Variants in PTPN5 observed in about 807,000 individuals in gnomAD.
The protein encoded by PTPN5 is protein tyrosine phosphatase non-receptor type 5, also known as tyrosine-protein phosphatase non-receptor type 5.
PTPN5 carries 29 observed loss-of-function variants against 73.9 expected under a neutral mutation model. That is an observed-to-expected ratio of 0.39 (90% CI 0.29 to 0.54). PTPN5 has a LOEUF of 0.54. PTPN5 is among the 20% of genes least tolerant of loss of function. The probability of loss-of-function intolerance (pLI) is 0.65; values close to 1 mark genes in which losing one functional copy is unlikely to be tolerated. For missense variants in PTPN5, 652 were observed against 751.4 expected (o/e 0.87, Z 1.55); for synonymous variants, 267 against 304.7 (o/e 0.88, Z 1.29).
chr11:18,749,494 G>GGGGGGGGGGGGGGGGGGC (rs756336602), intron 3 of PTPN5: 35 of 511,710 alleles, frequency 6.8e-5, no homozygotes, highest in East Asian at 2.8e-4. Context: ...AGGGTGGGGG[G>GGGGGGGGGGGGGGGGGGC]CAGAACCTTG....
intron 8 of PTPN5, among the ~76,000 whole-genome samples, chr11:18,738,411 CAGA>C (rs914405002): frequency 6.6e-6 from 1 of 152,184 alleles, no homozygotes; most frequent in African/African-American, 2.4e-5. Flanking sequence ...CCTGATTCTC[CAGA>C]AGGAGAGAAG....
At chr11:18,743,488 A>G (rs1177521712) in intron 4 of PTPN5, 59 bp from the exon 5 acceptor site, 2 of 1,482,226 alleles carry the variant, frequency 1.3e-6, no homozygotes, top group Non-Finnish European at 1.9e-6. Flanking sequence ...GTGTTCCCCC[A>G]GCAGAGCTCA....
intron 2 of PTPN5, among the ~76,000 whole-genome samples, chr11:18,770,730 A>G (rs549056668): frequency 1.3e-5 from 2 of 152,298 alleles, no homozygotes; most frequent in South Asian, 4.1e-4. Flanking sequence ...TGTAACTTGA[A>G]GGTCATCACC....
intron 3 of PTPN5, among the ~76,000 whole-genome samples, chr11:18,750,383 G>A (rs754958861): frequency 2.6e-5 from 4 of 152,070 alleles, no homozygotes; most frequent in African/African-American, 9.7e-5. Flanking sequence ...AGCCACACAC[G>A]AGATGAGACT....
At chr11:18,735,220 G>GA (rs1590487941) in intron 9 of PTPN5, among the ~76,000 whole-genome samples, 2 of 152,282 alleles carry the variant, frequency 1.3e-5, no homozygotes, top group East Asian at 3.9e-4. Context: ...AAGGGCACAA[G>GA]CTTCGCCTCT....
At chr11:18,775,349 T>C (rs925041961) in intron 1 of PTPN5, among the ~76,000 whole-genome samples, 1 of 152,250 alleles carries the variant, frequency 6.6e-6, no homozygotes, top group African/African-American at 2.4e-5. Context: ...TAGCATGTGA[T>C]GATCACCATT....
chr11:18,776,538 C>A (rs977480883), intron 1 of PTPN5, among the ~76,000 whole-genome samples: 1 of 152,120 alleles, frequency 6.6e-6, no homozygotes, highest in Non-Finnish European at 1.5e-5. Flanking sequence ...TTATTGTGTG[C>A]TGGATGTCGT....
In PTPN5 at chr11:18,765,851, G is replaced by A. The variant is rs1376585419; in HGVS notation, c.53C>T (p.Ser18Phe). Residue 18 changes from serine (S) to phenylalanine (F), a missense_variant, in exon 3 of 15, where the codon TCC becomes TTC. Physicochemically the swap from Ser to Phe is radical, Grantham distance 155 (BLOSUM62 -2). This residue lies in a region of PTPN5 where 529 missense variants were observed against 573.9 expected (regional missense o/e 0.92). Coordinates refer to ENST00000358540, the MANE Select transcript of PTPN5 (RefSeq NM_006906.2). Reference sequence around the variant, plus strand: ...GCACATGTCCAGGGCCCCTCCCTCGGAGTCATCAGCAGCGTGGTTCTCTCT... The same window carrying A: ...GCACATGTCCAGGGCCCCTCCCTCGAAGTCATCAGCAGCGTGGTTCTCTCT... ...SERENHAADD[S>F]EGGALDMCCS... The A allele has an allele frequency of 6.3e-7, 1 of 1,583,444 alleles. No individual in the cohort carries two copies. The highest frequency in any genetic ancestry group is 8.6e-7 in the Non-Finnish European group (1 of 1,164,164).
intron 1 of PTPN5, among the ~76,000 whole-genome samples, chr11:18,785,792 C>CA (rs11373506): frequency 0.21 from 32,269 of 152,078 alleles, 4,148 homozygotes; most frequent in South Asian, 0.36. Flanking sequence ...TACCTCACCA[C>CA]AAAAAAGGAG....
At chr11:18,790,410 C>T (rs895839419) in intron 1 of PTPN5, among the ~76,000 whole-genome samples, 1 of 152,152 alleles carries the variant, frequency 6.6e-6, no homozygotes, top group African/African-American at 2.4e-5. Context: ...TGGGATGCCA[C>T]ATCACCTGGT....
At chr11:18,765,944 G>T in intron 2 of PTPN5, 61 bp from the exon 3 acceptor site, 2 of 1,261,586 alleles carry the variant, frequency 1.6e-6, no homozygotes, top group Middle Eastern at 1.9e-4. Context: ...CAAAAACCCT[G>T]AGCAAAGATA....
intron 7 of PTPN5, among the ~76,000 whole-genome samples, chr11:18,741,157 C>A (rs1360949772): frequency 1.3e-5 from 2 of 152,144 alleles, no homozygotes; most frequent in Non-Finnish European, 2.9e-5. Context: ...AGAGGGGACA[C>A]CTGCCTGAAG....
intron 4 of PTPN5, 109 bp from the exon 5 acceptor site, chr11:18,743,538 C>T: frequency 1.0e-6 from 1 of 974,824 alleles, no homozygotes; most frequent in Non-Finnish European, 1.6e-6. Flanking sequence ...GGCTCCTGAA[C>T]CTCTAAGGTC....
chr11:18,775,835 G>A (rs1287645199), intron 1 of PTPN5, among the ~76,000 whole-genome samples: 7 of 152,122 alleles, frequency 4.6e-5, no homozygotes, highest in African/African-American at 1.7e-4. Flanking sequence ...CAGGTTTAAC[G>A]AGGCAGAGGG....
At chr11:18,790,352 G>A (rs996361039) in intron 1 of PTPN5, among the ~76,000 whole-genome samples, 3 of 152,160 alleles carry the variant, frequency 2.0e-5, no homozygotes, top group African/African-American at 7.2e-5. Flanking sequence ...AGGGAAGGGT[G>A]ACTGGGAGGG....
chr11:18,785,371 T>C (rs1358985685), intron 1 of PTPN5, among the ~76,000 whole-genome samples: 1 of 152,178 alleles, frequency 6.6e-6, no homozygotes, highest in Non-Finnish European at 1.5e-5. Flanking sequence ...CAACCAAGTA[T>C]AAACAGAGAA....
Position 18,727,995 on chromosome 11 carries a change from C to T in PTPN5, c.*939G>A, listed in dbSNP as rs1401193511. 1 of 152,606 alleles carries T rather than the reference C, an allele frequency of 6.6e-6. No homozygotes were observed. Among genetic ancestry groups the T allele is most frequent in the Non-Finnish European group, 1.5e-5 (1 of 68,042 alleles). 9.5% of individuals were successfully genotyped at this position (152,606 alleles called of 1,614,324 possible). The stretch of plus-strand genomic sequence containing the variant: ...ACCACGAGCGAATTATAAAAAGACA[C>T]CAAATGTCTCTGTCTGCCGTGGGAT... On this transcript the variant is annotated 3_prime_UTR_variant, in exon 15 of 15. Coordinates refer to ENST00000358540, the MANE Select transcript of PTPN5 (RefSeq NM_006906.2).
At chr11:18,768,086 C>T (rs531878953) in intron 2 of PTPN5, among the ~76,000 whole-genome samples, 4 of 152,248 alleles carry the variant, frequency 2.6e-5, no homozygotes, top group Non-Finnish European at 5.9e-5. Flanking sequence ...AAGCCTCGCA[C>T]AGTGCCTGGT....
chr11:18,765,982 T>C, intron 2 of PTPN5, 99 bp from the exon 3 acceptor site: 1 of 873,550 alleles, frequency 1.1e-6, no homozygotes, highest in Non-Finnish European at 1.9e-6. Flanking sequence ...GTATTCTGTA[T>C]CCCTTTGAAT....
Sources: allele counts gnomAD v4.1 joint callset (sites outside exome capture counted in the v4.1 genomes callset), GRCh38; gene constraint gnomAD v4.1.1; regional missense constraint gnomAD v4.1.1; transcripts MANE v1.5; gene names NCBI Gene and HGNC (gene_info 2026-07-23, HGNC 2026-07-21).